Variants in NCAM1 observed in about 807,000 individuals in gnomAD.
NCAM1 encodes the protein neural cell adhesion molecule 1.
Under a neutral mutation model 109.8 loss-of-function variants are expected in NCAM1, and 14 were observed. That is an observed-to-expected ratio of 0.13 (90% CI 0.08 to 0.20). NCAM1 has a LOEUF of 0.20. Ranked by LOEUF, NCAM1 falls within the 10% of genes least tolerant of loss-of-function variation. The probability of loss-of-function intolerance (pLI) is 1.00; values close to 1 mark genes in which losing one functional copy is unlikely to be tolerated. For missense variants in NCAM1, 774 were observed against 1,109.9 expected, an observed-to-expected ratio of 0.70 and a Z score of 4.30; for synonymous variants, 418 against 442.9, an observed-to-expected ratio of 0.94 and a Z score of 0.70.
At chr11:113,271,464 A>T (rs781840113) in intron 18 of NCAM1, among the ~76,000 whole-genome samples, 1 of 151,488 alleles carries the variant, frequency 6.6e-6, no homozygotes, top group East Asian at 1.9e-4. Flanking sequence ...TTGAGCAATG[A>T]TCTGTGTCAG....
Position 112,961,539 on chromosome 11 carries a change from G to A in NCAM1, c.-74G>A, listed in dbSNP as rs1555062833. ...CCCCTAGGTCTGTCGCTCAGCCGCC[G>A]TCCACACTCGCTGCAGGGGGGGGGG... On this transcript the variant is annotated 5_prime_UTR_variant, in exon 1 of 20. Transcript: ENST00000316851. The A allele has an allele frequency of 1.0e-6, 1 of 964,888 alleles. No homozygotes were observed. The highest frequency in any genetic ancestry group is 2.4e-5 in the East Asian group (1 of 41,740). The allele number at this position is 964,888 out of a possible 1,614,324, so 59.8% of individuals were successfully genotyped here. A position where few individuals can be genotyped will look rare whatever the true frequency, so the allele number is the denominator to read the frequency against.
At chr11:113,012,440 T>C (rs910029287) in intron 1 of NCAM1, among the ~76,000 whole-genome samples, 9 of 152,190 alleles carry the variant, frequency 5.9e-5, no homozygotes, top group Non-Finnish European at 4.4e-5. Context: ...ATTGTGATTG[T>C]GTATCCCTAG....
In NCAM1 at chr11:112,963,713, G is replaced by A. The variant is rs1490621876; in HGVS notation, c.52+2049G>A. ...CCCCGGGTGGGAGCGTGACAATGGA[G>A]CCCGGATATTTGGTGGGCCTTTTGG... On this transcript the variant is annotated intron_variant, in intron 1 of 19. Coordinates refer to ENST00000316851, the MANE Select transcript of NCAM1 (RefSeq NM_181351.5). This position sits in a 1 kb window ranked among gnomAD's most constrained non-coding sequence, Gnocchi z 4.6. 1.3e-5 allele frequency among the ~76,000 whole-genome samples: 2 copies of A among 152,220 alleles called. No individual in the cohort carries two copies. Among genetic ancestry groups the A allele is most frequent in the Non-Finnish European group, 1.5e-5 (1 of 68,044 alleles).
At chr11:113,096,402 C>T (rs1460674474) in intron 1 of NCAM1, among the ~76,000 whole-genome samples, 1 of 152,080 alleles carries the variant, frequency 6.6e-6, no homozygotes, top group African/African-American at 2.4e-5. Context: ...TCAGGGTGAA[C>T]GTGAGAGATG....
chr11:113,102,047 T>G (rs1424915938), intron 1 of NCAM1, among the ~76,000 whole-genome samples: 5 of 152,226 alleles, frequency 3.3e-5, no homozygotes, highest in African/African-American at 1.2e-4. Context: ...ATTAACAAAA[T>G]GAAAGAAAAT....
In NCAM1 at chr11:113,185,079, T is replaced by TATATATATATATAGAGAGAGAG; in HGVS notation, c.53-17299_53-17298insTATATATATATAGAGAGAGAGA. ...GTGTGCATTTATATTTATATATATA[T>TATATATATATATAGAGAGAGAG]AGAGAGAGAGAGAGAGAGAGAGAGA... On this transcript the variant is annotated intron_variant, in intron 1 of 19. Transcript: ENST00000316851. Among the ~76,000 whole-genome samples, 313 of 125,626 alleles carry TATATATATATATAGAGAGAGAG rather than the reference T, an allele frequency of 2.5e-3. 1 individual carries two copies. The highest frequency in any genetic ancestry group is 8.1e-3 in the East Asian group (28 of 3,470). 82.4% of individuals were successfully genotyped at this position (125,626 alleles called of 152,430 possible). A position where few individuals can be genotyped will look rare whatever the true frequency, so the allele number is the denominator to read the frequency against.
In NCAM1 at chr11:113,130,163, T is replaced by C. The variant is rs1436105; in HGVS notation, c.53-72216T>C. ...AGATCCTTATAAATTTGAAGCCTCG[T>C]TCAGTATTCACATTGGCGAGCAGGC... On this transcript the variant is annotated intron_variant, in intron 1 of 19. Coordinates refer to ENST00000316851, the MANE Select transcript of NCAM1 (RefSeq NM_181351.5). Among the ~76,000 whole-genome samples, 1,146 of 152,342 alleles carry C rather than the reference T, an allele frequency of 7.5e-3. 8 individuals are homozygous for C. The highest frequency in any genetic ancestry group is 0.025 in the African/African-American group (1,051 of 41,572).
At position 113,232,724 on chromosome 11, in the gene NCAM1, C is replaced by T; in HGVS notation, c.1432C>T (p.Pro478Ser). ...TPSASYLEVT[P>S]DSENDFGNYN... ...TAGCTTCTTCCTTCTAAAGGTGACCCCAGACTCTGAGAATGATTTTGGGAA... is the reference window on the plus strand; with the variant it reads ...TAGCTTCTTCCTTCTAAAGGTGACCTCAGACTCTGAGAATGATTTTGGGAA... Residue 478 changes from proline (P) to serine (S), a missense_variant, in exon 12 of 20, where the codon CCA becomes TCA. Physicochemically the swap from Pro to Ser is moderately conservative, Grantham distance 74 (BLOSUM62 -1). This residue lies in a region of NCAM1 where 523 missense variants were observed against 784.2 expected (regional missense o/e 0.67). Transcript: ENST00000316851. 6.2e-7 allele frequency: 1 copy of T among 1,613,308 alleles called. No individual in the cohort carries two copies. Among genetic ancestry groups the T allele is most frequent in the South Asian group, 1.1e-5 (1 of 91,060 alleles).
intron 1 of NCAM1, among the ~76,000 whole-genome samples, chr11:112,985,916 T>G (rs1292337900): frequency 2.6e-5 from 4 of 151,950 alleles, no homozygotes; most frequent in African/African-American, 7.2e-5. Flanking sequence ...TTTTCTTGTC[T>G]AATTGCTCTG....
rs150302705 is a variant in NCAM1, at chr11:113,093,617, C to T, written c.53-108762C>T. ...AGGCTTCCCTTTGAAAGTTTACGAA[C>T]GCCCCATCTCTTTTCTCTAGGTAGG... On this transcript the variant is annotated intron_variant, in intron 1 of 19. Transcript: ENST00000316851. Among the ~76,000 whole-genome samples, 21 of 152,234 alleles carry T rather than the reference C, an allele frequency of 1.4e-4. 1 individual carries two copies. Among genetic ancestry groups the T allele is most frequent in the African/African-American group, 4.6e-4 (19 of 41,528 alleles).
chr11:113,104,217 G>A (rs1417005395), intron 1 of NCAM1, among the ~76,000 whole-genome samples: 1 of 118,512 alleles, frequency 8.4e-6, no homozygotes, highest in African/African-American at 3.1e-5. Flanking sequence ...TGGGGGGGGG[G>A]GCGGGGTGGT....
At chr11:113,192,007 G>A (rs1266010541) in intron 1 of NCAM1, among the ~76,000 whole-genome samples, 3 of 152,190 alleles carry the variant, frequency 2.0e-5, no homozygotes, top group Admixed American at 6.5e-5. Flanking sequence ...TTTTCTGAAT[G>A]TAAAGAATAA....
intron 1 of NCAM1, among the ~76,000 whole-genome samples, chr11:113,150,663 G>A (rs1942193656): frequency 1.3e-5 from 2 of 152,178 alleles, no homozygotes; most frequent in Non-Finnish European, 2.9e-5. Flanking sequence ...ATAAAAGGTG[G>A]AGTATCTTCT....
At chr11:113,201,897 A>G (rs1467448447) in intron 1 of NCAM1, among the ~76,000 whole-genome samples, 1 of 152,214 alleles carries the variant, frequency 6.6e-6, no homozygotes, top group Non-Finnish European at 1.5e-5. Flanking sequence ...AGCCTGGGGA[A>G]CTGGCAGGAG....
At chr11:113,108,963 C>G (rs532606087) in intron 1 of NCAM1, among the ~76,000 whole-genome samples, 1 of 151,090 alleles carries the variant, frequency 6.6e-6, no homozygotes, top group East Asian at 2.0e-4. Context: ...GTTTCGAACT[C>G]CTGACCACCT....
chr11:113,195,459 A>ACG (rs1478184208), intron 1 of NCAM1, among the ~76,000 whole-genome samples: 2 of 146,134 alleles, frequency 1.4e-5, no homozygotes, highest in Non-Finnish European at 3.0e-5. Flanking sequence ...TACACACCAC[A>ACG]CACACACACA....
chr11:113,195,578 C>T (rs1312563312), intron 1 of NCAM1, among the ~76,000 whole-genome samples: 1 of 146,102 alleles, frequency 6.8e-6, no homozygotes, highest in Non-Finnish European at 1.5e-5. Flanking sequence ...TCTCGGCTCA[C>T]TGCAAGCTCT....
In NCAM1 at chr11:113,205,518, TC is replaced by T; in HGVS notation, c.347-3del. On this transcript the variant is annotated splice_region_variant and splice_polypyrimidine_tract_variant and intron_variant, in intron 3 of 19. Transcript: ENST00000316851. ...TTTTCCCTCACTCTTCTGTTCATCTTCCAGAGAAGCTCATGTTCAAGAATGC... is the reference window on the plus strand; with the variant it reads ...TTTTCCCTCACTCTTCTGTTCATCTTCAGAGAAGCTCATGTTCAAGAATGC... The T allele has an allele frequency of 6.2e-7, 1 of 1,610,044 alleles. No homozygotes were observed. Among genetic ancestry groups the T allele is most frequent in the South Asian group, 1.1e-5 (1 of 90,186 alleles).
chr11:113,043,057 C>A lies in NCAM1; in HGVS notation c.52+81393C>A, dbSNP rs114904220. ...ACCAACCTTCTTTTTGACTTTATTT[C>A]CCACCAGTGGAAATAGAGTGGGAAA... On this transcript the variant is annotated intron_variant, in intron 1 of 19. Transcript: ENST00000316851. 5.0e-3 allele frequency among the ~76,000 whole-genome samples: 761 copies of A among 152,150 alleles called. 4 individuals are homozygous for A. The highest frequency in any genetic ancestry group is 0.017 in the African/African-American group (725 of 41,494).
Sources: gnomAD v4.1 joint callset for allele counts (sites outside exome capture counted in the v4.1 genomes callset) on GRCh38, gnomAD v4.1.1 for gene constraint, gnomAD v4.1.1 regional missense constraint, Gnocchi (gnomAD v3.1) non-coding constraint, MANE v1.5 for transcripts, NCBI Gene and HGNC (gene_info 2026-07-23, HGNC 2026-07-21) for gene names.